The following HNRNPM variants were observed in gnomAD, a reference collection of about 807,000 sequenced individuals.
HNRNPM encodes the protein heterogeneous nuclear ribonucleoprotein M.
In HNRNPM, 11 loss-of-function variants were observed where a neutral mutation model predicts 73.1. The observed-to-expected ratio is 0.15, with a 90% confidence interval of 0.09 to 0.25. The LOEUF (loss-of-function observed/expected upper bound fraction) is 0.25. Among genes scored for constraint, HNRNPM ranks in the 10% least tolerant of loss-of-function variants. The pLI, the probability that HNRNPM is intolerant of heterozygous loss-of-function variation, is 1.00. For missense variants in HNRNPM, 789 were observed against 1,067.9 expected, an observed-to-expected ratio of 0.74 and a Z score of 3.64; for synonymous variants, 407 against 355.2, an observed-to-expected ratio of 1.15 and a Z score of -1.64.
chr19:8,455,881 C>A (rs1002401698), intron 2 of HNRNPM, among the ~76,000 whole-genome samples: 15 of 149,936 alleles, frequency 1.0e-4, no homozygotes, highest in Admixed American at 8.6e-4. Flanking sequence ...TTCCGGGGAG[C>A]CTTTTCGTGT....
rs368017866 is a variant in HNRNPM, at chr19:8,485,508, C to T, written c.1175-95C>T. 20 of 1,246,908 alleles carry T rather than the reference C, an allele frequency of 1.6e-5. 1 individual carries two copies. The highest frequency in any genetic ancestry group is 7.0e-5 in the East Asian group (3 of 42,808). The allele number at this position is 1,246,908 out of a possible 1,614,324, so 77.2% of individuals were successfully genotyped here. A position where few individuals can be genotyped will look rare whatever the true frequency, so the allele number is the denominator to read the frequency against. The stretch of plus-strand genomic sequence containing the variant: ...GGTAAATTATGGTGGGCCTTTACCC[C>T]TGATCCATGCCCATGAGCTGAAGTG... On this transcript the variant is annotated intron_variant, in intron 13 of 15. Coordinates refer to ENST00000325495, the MANE Select transcript of HNRNPM (RefSeq NM_005968.5).
At chr19:8,478,557 A>AC (rs1212414523) in intron 12 of HNRNPM, among the ~76,000 whole-genome samples, 1 of 152,098 alleles carries the variant, frequency 6.6e-6, no homozygotes, top group Non-Finnish European at 1.5e-5. Context: ...GCCAGGGTTT[A>AC]CCTGATGTCC....
chr19:8,475,569 A>G lies in HNRNPM; in HGVS notation c.1120+1325A>G, dbSNP rs187558734. ...GCCCTTCTTCCGGTGCACAGGGAGC[A>G]GTGGGGCATGATGTGTGTTGCCCTC... On this transcript the variant is annotated intron_variant, in intron 12 of 15. Transcript: ENST00000325495. Among the ~76,000 whole-genome samples, 186 of 152,338 alleles carry G rather than the reference A, an allele frequency of 1.2e-3. 1 individual carries two copies. The highest frequency in any genetic ancestry group is 4.4e-3 in the African/African-American group (182 of 41,592).
chr19:8,464,054 G>T (rs191150805), intron 5 of HNRNPM, among the ~76,000 whole-genome samples: 104 of 152,130 alleles, frequency 6.8e-4, no homozygotes, highest in African/African-American at 2.4e-3. Context: ...GTTCCAGCCT[G>T]GGCAACATGG....
chr19:8,451,233 G>A (rs1968598437), intron 1 of HNRNPM, among the ~76,000 whole-genome samples: 1 of 151,934 alleles, frequency 6.6e-6, no homozygotes, highest in African/African-American at 2.4e-5. Flanking sequence ...ATTAGAGACA[G>A]GTTTCCACCA....
At chr19:8,485,009 G>T (rs1053597540) in intron 13 of HNRNPM, among the ~76,000 whole-genome samples, 1 of 151,892 alleles carries the variant, frequency 6.6e-6, no homozygotes, top group South Asian at 2.1e-4. Flanking sequence ...GTGTGCATTT[G>T]TACACAGAGG....
chr19:8,446,950 G>A (rs1968232443), intron 1 of HNRNPM, among the ~76,000 whole-genome samples: 1 of 152,172 alleles, frequency 6.6e-6, no homozygotes, highest in Non-Finnish European at 1.5e-5. Context: ...ATTTCTGAGG[G>A]TGGTATTTGG....
At chr19:8,459,203 A>C (rs1969227118) in intron 2 of HNRNPM, among the ~76,000 whole-genome samples, 3 of 152,244 alleles carry the variant, frequency 2.0e-5, no homozygotes, top group Admixed American at 2.0e-4. Flanking sequence ...CTAGGATTAC[A>C]GGCCTGGCCG....
chr19:8,458,470 T>G (rs1969174015), intron 2 of HNRNPM, among the ~76,000 whole-genome samples: 1 of 152,218 alleles, frequency 6.6e-6, no homozygotes, highest in Admixed American at 6.5e-5. Flanking sequence ...TGAGACCAAG[T>G]CCTGTATGAG....
chr19:8,470,428 A>G (rs1313529931), intron 9 of HNRNPM, among the ~76,000 whole-genome samples: 1 of 151,634 alleles, frequency 6.6e-6, no homozygotes, highest in Admixed American at 6.6e-5. Flanking sequence ...CCTGGGTTCT[A>G]GTGATTCTCC....
chr19:8,454,585 C>G (rs918308937), intron 1 of HNRNPM, among the ~76,000 whole-genome samples: 1 of 151,694 alleles, frequency 6.6e-6, no homozygotes, highest in African/African-American at 2.4e-5. Flanking sequence ...TGGGTGTATA[C>G]CTAGCAGTGG....
intron 2 of HNRNPM, 92 bp downstream of exon 2, chr19:8,455,666 G>GC: frequency 1.0e-6 from 1 of 966,398 alleles, no homozygotes; most frequent in Non-Finnish European, 1.6e-6. Flanking sequence ...AGTGGAAGCG[G>GC]CTCTGGGTAG....
chr19:8,457,044 G>A (rs1969075602), intron 2 of HNRNPM, among the ~76,000 whole-genome samples: 1 of 152,156 alleles, frequency 6.6e-6, no homozygotes, highest in African/African-American at 2.4e-5. Context: ...TTGTGTTCTC[G>A]TGATTTGGTT....
intron 1 of HNRNPM, among the ~76,000 whole-genome samples, chr19:8,452,919 C>T (rs1325639120): frequency 1.1e-4 from 17 of 152,098 alleles, no homozygotes; most frequent in Non-Finnish European, 2.4e-4. Context: ...TAGTTCACTG[C>T]AATCTTGACC....
chr19:8,474,434 G>T (rs561519673), intron 12 of HNRNPM, among the ~76,000 whole-genome samples, 190 bp downstream of exon 12: 19 of 152,282 alleles, frequency 1.2e-4, no homozygotes, highest in Non-Finnish European at 2.4e-4. Flanking sequence ...TCACTTGGTC[G>T]CTAGTCTTTT....
Position 8,455,419 on chromosome 19 carries a change from C to T in HNRNPM, c.128C>T (p.Pro43Leu), listed in dbSNP as rs753387943. The T allele has an allele frequency of 6.2e-7, 1 of 1,613,400 alleles. No homozygotes were observed. Among genetic ancestry groups the T allele is most frequent in the African/African-American group, 1.3e-5 (1 of 74,828 alleles). Residue 43 changes from proline to leucine, a missense_variant, in exon 2 of 16, where the codon CCT becomes CTT. By Grantham distance (98) the Pro-to-Leu change is moderately conservative. Coordinates refer to ENST00000325495, the MANE Select transcript of HNRNPM (RefSeq NM_005968.5). ...APGPKGEGERPAQNEKRKEKN... is the reference protein window; with the variant it reads ...APGPKGEGERLAQNEKRKEKN... ...CTCGAATTCAGTGAAGGAGAACGAC[C>T]TGCTCAGAATGAGAAGAGGAAGGAG... is the stretch of plus-strand genomic sequence containing the variant.
chr19:8,464,934 G>A (rs1339917279), intron 5 of HNRNPM, among the ~76,000 whole-genome samples: 1 of 152,170 alleles, frequency 6.6e-6, no homozygotes, highest in African/African-American at 2.4e-5. Context: ...GGAAGCCATT[G>A]ACGGGGTTTG....
intron 10 of HNRNPM, among the ~76,000 whole-genome samples, chr19:8,471,767 G>C (rs929671917): frequency 2.6e-5 from 4 of 152,128 alleles, no homozygotes; most frequent in African/African-American, 9.7e-5. Context: ...TCCTGACCAC[G>C]GGACCATAGC....
intron 12 of HNRNPM, chr19:8,482,697 C>T (rs1971003765): frequency 6.6e-6 from 1 of 151,130 alleles, no homozygotes; most frequent in Admixed American, 7.0e-5. Flanking sequence ...AATGTGGGCT[C>T]CAAGTGGGTG....
Sources: allele counts gnomAD v4.1 joint callset (sites outside exome capture counted in the v4.1 genomes callset), GRCh38; gene constraint gnomAD v4.1.1; transcripts MANE v1.5; gene names NCBI Gene and HGNC (gene_info 2026-07-23, HGNC 2026-07-21).